Variants in ARHGAP35 observed in about 807,000 individuals in gnomAD.
ARHGAP35 encodes the protein rho GTPase-activating protein 35.
A neutral mutation model predicts 111.1 loss-of-function variants in ARHGAP35; 15 were observed. That is an observed-to-expected ratio of 0.13 (90% CI 0.09 to 0.21). The LOEUF is 0.21. Among genes scored for constraint, ARHGAP35 ranks in the 10% least tolerant of loss-of-function variants. The pLI is 1.00. For missense variants in ARHGAP35, 1,262 were observed against 1,873.0 expected (o/e 0.67, Z 6.02); for synonymous variants, 643 against 710.3 (o/e 0.91, Z 1.51).
In ARHGAP35 at chr19:46,989,342, G is replaced by A. The variant is rs959592617; in HGVS notation, c.3905-202G>A. 3.8e-5 allele frequency: 22 copies of A among 581,596 alleles called. No homozygotes were observed. Among genetic ancestry groups the A allele is most frequent in the South Asian group, 6.3e-5 (3 of 47,816 alleles). The allele number at this position is 581,596 out of a possible 1,614,324, so 36.0% of individuals were successfully genotyped here. A position where few individuals can be genotyped will look rare whatever the true frequency, so the allele number is the denominator to read the frequency against. On this transcript the variant is annotated intron_variant, in intron 4 of 6. Transcript: ENST00000672722. The surrounding 1 kb of genome is among the most constrained non-coding windows in gnomAD (Gnocchi z 5.3). ...GTAGAAGGGGCAGTTCAGCAGTCTC[G>A]GAAAGAGGTGCTGGGGCCAGCCCAT...
chr19:46,911,428 A>T (rs1052470453), intron 1 of ARHGAP35, among the ~76,000 whole-genome samples: 4 of 152,198 alleles, frequency 2.6e-5, no homozygotes, highest in Non-Finnish European at 4.4e-5. Context: ...TTTCTTTGCT[A>T]TGTGAGTATG....
In ARHGAP35 at chr19:46,861,182, C is replaced by G. The variant is rs1181129011; in HGVS notation, c.-216C>G. Among the ~76,000 whole-genome samples, 1 of 151,648 alleles carries G rather than the reference C, an allele frequency of 6.6e-6. No homozygotes were observed. The highest frequency in any genetic ancestry group is 1.5e-5 in the Non-Finnish European group (1 of 67,836). ...GTCGTTGCTGCCGGGATTTTGGAGG[C>G]CGGGGCCGCGCTGAGGGCGCCCAGC... On this transcript the variant is annotated 5_prime_UTR_variant, in exon 1 of 7. Transcript: ENST00000672722.
intron 2 of ARHGAP35, among the ~76,000 whole-genome samples, chr19:46,932,212 G>A (rs1212228341): frequency 6.6e-6 from 1 of 152,212 alleles, no homozygotes; most frequent in Non-Finnish European, 1.5e-5. Context: ...AACTGAGGAG[G>A]CGGAGGTTGT....
rs533711760 is a variant in ARHGAP35 at position 46,992,920 on chromosome 19, C to T, written c.4036+3245C>T. ...TGCTCTCTGGGCTCTTGTTCACCAGCTGCCTTGGGACGTTACTGGTTCTGG... is the reference window on the plus strand; with the variant it reads ...TGCTCTCTGGGCTCTTGTTCACCAGTTGCCTTGGGACGTTACTGGTTCTGG... On this transcript the variant is annotated intron_variant, in intron 5 of 6. Transcript: ENST00000672722. This position sits in a 1 kb window ranked among gnomAD's most constrained non-coding sequence, Gnocchi z 4.4. 1.2e-4 allele frequency among the ~76,000 whole-genome samples: 18 copies of T among 152,326 alleles called. No homozygotes were observed. Among genetic ancestry groups the T allele is most frequent in the African/African-American group, 4.3e-4 (18 of 41,574 alleles).
Position 46,986,595 on chromosome 19 carries a change from CAAATTCAGTAAACAA to C in ARHGAP35, c.3827-1391_3827-1377del, listed in dbSNP as rs2056651380. ...AAAATTTTTGAATTATATACTTCAA[CAAATTCAGTAAACAA>C]AATTAGAAGACAGATAACAAAAAGG... On this transcript the variant is annotated intron_variant, in intron 3 of 6. Coordinates refer to ENST00000672722, the MANE Select transcript of ARHGAP35 (RefSeq NM_004491.5). This position sits in a 1 kb window ranked among gnomAD's most constrained non-coding sequence, Gnocchi z 4.3. Among the ~76,000 whole-genome samples the C allele has an allele frequency of 6.6e-6, 1 of 152,060 alleles. No individual in the cohort carries two copies. Among genetic ancestry groups the C allele is most frequent in the Non-Finnish European group, 1.5e-5 (1 of 67,998 alleles).
chr19:46,905,810 C>T (rs1487917795), intron 1 of ARHGAP35, among the ~76,000 whole-genome samples: 2 of 152,018 alleles, frequency 1.3e-5, no homozygotes, highest in Non-Finnish European at 2.9e-5. Flanking sequence ...CCTCAGCCTC[C>T]CAAAGTGCTG....
At chr19:46,935,397 T>G (rs1478111746) in intron 2 of ARHGAP35, among the ~76,000 whole-genome samples, 1 of 152,252 alleles carries the variant, frequency 6.6e-6, no homozygotes, top group Admixed American at 6.5e-5. Flanking sequence ...ATCTTGCTCT[T>G]TCCTTGTGTA....
intron 1 of ARHGAP35, among the ~76,000 whole-genome samples, chr19:46,866,958 T>C (rs1327523411): frequency 1.3e-5 from 2 of 152,226 alleles, no homozygotes; most frequent in Non-Finnish European, 2.9e-5. Context: ...ACAGCACTTG[T>C]ATTGCTGGCA....
intron 1 of ARHGAP35, among the ~76,000 whole-genome samples, chr19:46,873,052 TTGCCCAAGGCCA>T (rs1256732663): frequency 3.9e-5 from 6 of 152,160 alleles, no homozygotes; most frequent in African/African-American, 1.4e-4. Flanking sequence ...GAGAGGGGAC[TTGCCCAAGGCCA>T]CATGGCTAGT....
At position 46,989,363 on chromosome 19, in the gene ARHGAP35, C is replaced by A; in HGVS notation, c.3905-181C>A. The A allele has an allele frequency of 2.9e-6, 2 of 698,646 alleles. No homozygotes were observed. The highest frequency in any genetic ancestry group is 4.6e-6 in the Non-Finnish European group (2 of 434,314). 43.3% of individuals were successfully genotyped at this position (698,646 alleles called of 1,614,324 possible). A position where few individuals can be genotyped will look rare whatever the true frequency, so the allele number is the denominator to read the frequency against. On this transcript the variant is annotated intron_variant, in intron 4 of 6. Transcript: ENST00000672722. The surrounding 1 kb of genome is among the most constrained non-coding windows in gnomAD (Gnocchi z 5.3). ...TCTCGGAAAGAGGTGCTGGGGCCAG[C>A]CCATGCCTGAACCTCAGAACTCGCG...
At chr19:46,873,050 A>T (rs924274584) in intron 1 of ARHGAP35, among the ~76,000 whole-genome samples, 2 of 152,046 alleles carry the variant, frequency 1.3e-5, no homozygotes, top group African/African-American at 4.8e-5. Context: ...CAGAGAGGGG[A>T]CTTGCCCAAG....
Position 46,989,552 on chromosome 19 carries a change from C to T in ARHGAP35, c.3913C>T (p.Leu1305=), listed in dbSNP as rs1255523142. 1.2e-6 allele frequency: 2 copies of T among 1,613,886 alleles called. No individual in the cohort carries two copies. The highest frequency in any genetic ancestry group is 3.3e-5 in the Admixed American group (2 of 60,014). Residue 1305 remains leucine (L), a synonymous_variant, in exon 5 of 7, where the codon CTG becomes TTG. Coordinates refer to ENST00000672722, the MANE Select transcript of ARHGAP35 (RefSeq NM_004491.5). The surrounding 1 kb of genome is among the most constrained non-coding windows in gnomAD (Gnocchi z 5.3). ...TCCTGACTTCCTTTCAGACCACAACCTGGACCTGGCAGAGAAAGACTTTAC... is the reference window on the plus strand; with the variant it reads ...TCCTGACTTCCTTTCAGACCACAACTTGGACCTGGCAGAGAAAGACTTTAC... The part of the protein sequence containing the change: ...LQRQFDQDHN[L]DLAEKDFTVN...
At chr19:46,987,403 T>C (rs958959858) in intron 3 of ARHGAP35, among the ~76,000 whole-genome samples, 1 of 151,274 alleles carries the variant, frequency 6.6e-6, no homozygotes, top group Middle Eastern at 3.4e-3. Context: ...TTAGTAGAGA[T>C]GGGGTTTCAC....
Position 47,001,235 on chromosome 19 carries a change from G to A in ARHGAP35, c.*547G>A, listed in dbSNP as rs762979806. 7.3e-5 allele frequency: 94 copies of A among 1,283,408 alleles called. No homozygotes were observed. The highest frequency in any genetic ancestry group is 9.1e-5 in the Non-Finnish European group (90 of 986,676). The allele number at this position is 1,283,408 out of a possible 1,614,324, so 79.5% of individuals were successfully genotyped here. Reference sequence around the variant, plus strand: ...GCTCTGCCACCACTAGGTACCTGCTGAGGGCGCTGGCTCTGCAGATCAGAA... The same window carrying A: ...GCTCTGCCACCACTAGGTACCTGCTAAGGGCGCTGGCTCTGCAGATCAGAA... On this transcript the variant is annotated 3_prime_UTR_variant, in exon 7 of 7. Coordinates refer to ENST00000672722, the MANE Select transcript of ARHGAP35 (RefSeq NM_004491.5). This position sits in a 1 kb window ranked among gnomAD's most constrained non-coding sequence, Gnocchi z 5.4.
Position 46,994,132 on chromosome 19 carries a change from G to A in ARHGAP35, c.4036+4457G>A, listed in dbSNP as rs1272536989. Among the ~76,000 whole-genome samples the A allele has an allele frequency of 6.6e-6, 1 of 152,248 alleles. No individual in the cohort carries two copies. Among genetic ancestry groups the A allele is most frequent in the East Asian group, 1.9e-4 (1 of 5,172 alleles). ...GCCAGGTGTGGGGAGAAGCCACCCT[G>A]GGCACCTGTACCATGGCGGGTCCGG... On this transcript the variant is annotated intron_variant, in intron 5 of 6. Coordinates refer to ENST00000672722, the MANE Select transcript of ARHGAP35 (RefSeq NM_004491.5). This position sits in a 1 kb window ranked among gnomAD's most constrained non-coding sequence, Gnocchi z 5.4.
At chr19:46,870,639 CCTTTGATAAAT>C (rs1163801094) in intron 1 of ARHGAP35, among the ~76,000 whole-genome samples, 2 of 151,976 alleles carry the variant, frequency 1.3e-5, no homozygotes, top group African/African-American at 4.8e-5. Context: ...GTAGATAAAA[CCTTTGATAAAT>C]GAGGAAGAAG....
At chr19:46,978,079 G>A (rs928176063) in intron 3 of ARHGAP35, among the ~76,000 whole-genome samples, 2 of 152,244 alleles carry the variant, frequency 1.3e-5, no homozygotes, top group Admixed American at 1.3e-4. Flanking sequence ...CATCAGGACT[G>A]CAGTGAAGTA....
At chr19:46,905,986 AT>A (rs375012473) in intron 1 of ARHGAP35, among the ~76,000 whole-genome samples, 2,380 of 141,254 alleles carry the variant, frequency 0.017, 14 homozygotes, top group African/African-American at 0.034. Flanking sequence ...GCCTGGCCAC[AT>A]TTTTTTTTTT....
At chr19:46,997,072 G>A (rs1391544283) in intron 5 of ARHGAP35, among the ~76,000 whole-genome samples, 7 of 152,088 alleles carry the variant, frequency 4.6e-5, no homozygotes, top group East Asian at 3.9e-4. Flanking sequence ...CAGGAGAATC[G>A]CTTAAACCTG....
Sources: allele counts gnomAD v4.1 joint callset (sites outside exome capture counted in the v4.1 genomes callset), GRCh38; gene constraint gnomAD v4.1.1; non-coding constraint Gnocchi (gnomAD v3.1); transcripts MANE v1.5; gene names NCBI Gene and HGNC (gene_info 2026-07-23, HGNC 2026-07-21).